The following FAM171B variants were observed in gnomAD, a reference collection of about 807,000 sequenced individuals.
The protein encoded by FAM171B is protein FAM171B.
FAM171B carries 19 observed loss-of-function variants against 75.6 expected under a neutral mutation model. The observed-to-expected ratio is 0.25, with a 90% confidence interval of 0.18 to 0.37. FAM171B has a LOEUF of 0.37. Among genes scored for constraint, FAM171B ranks in the 10% least tolerant of loss-of-function variants. The pLI is 1.00. For synonymous variants in FAM171B, 367 were observed against 361.7 expected, an observed-to-expected ratio of 1.01 and a Z score of -0.17; for missense variants, 848 against 982.4, an observed-to-expected ratio of 0.86 and a Z score of 1.83.
chr2:186,696,787 A>G lies in FAM171B; in HGVS notation c.238+2376A>G, dbSNP rs571104826. ...CAGACCTTTTCCTGACCAGGTGTTT[A>G]AAATAGTAATCTGCACATCCTTTTT... On this transcript the variant is annotated intron_variant, in intron 1 of 7. Coordinates refer to ENST00000304698, the MANE Select transcript of FAM171B (RefSeq NM_177454.4). Among the ~76,000 whole-genome samples the G allele has an allele frequency of 2.6e-5, 4 of 152,194 alleles. No individual in the cohort carries two copies. In the East Asian group the frequency reaches 7.7e-4, roughly 29 times the overall value.
At chr2:186,721,342 A>G (rs1011226270) in intron 1 of FAM171B, among the ~76,000 whole-genome samples, 2 of 152,210 alleles carry the variant, frequency 1.3e-5, no homozygotes, top group African/African-American at 2.4e-5. Context: ...AGAGTTAAGC[A>G]TTCTAGAGAA....
intron 2 of FAM171B, among the ~76,000 whole-genome samples, chr2:186,742,594 A>G (rs1345449380): frequency 6.6e-6 from 1 of 152,110 alleles, no homozygotes; most frequent in Admixed American, 6.6e-5. Context: ...AAGTATTTCC[A>G]TGCAACTGTG....
intron 1 of FAM171B, among the ~76,000 whole-genome samples, chr2:186,704,913 T>G (rs1211702916): frequency 6.6e-6 from 1 of 152,164 alleles, no homozygotes; most frequent in African/African-American, 2.4e-5. Context: ...TCCCAAGTAG[T>G]GAATCTTTTT....
intron 6 of FAM171B, 29 bp downstream of exon 6, chr2:186,754,078 C>A: frequency 2.7e-6 from 4 of 1,502,558 alleles, no homozygotes; most frequent in Non-Finnish European, 3.6e-6. Context: ...GTAATTAAAA[C>A]ATGTAATTCA....
At chr2:186,731,890 T>C (rs1690120456) in intron 1 of FAM171B, among the ~76,000 whole-genome samples, 1 of 152,178 alleles carries the variant, frequency 6.6e-6, no homozygotes, top group Admixed American at 6.5e-5. Context: ...ATGCTCCTTA[T>C]GAAAATCTAA....
chr2:186,747,328 T>G, intron 4 of FAM171B, 78 bp downstream of exon 4: 1 of 874,558 alleles, frequency 1.1e-6, no homozygotes, highest in Non-Finnish European at 1.6e-6. Flanking sequence ...TAGCTATCTA[T>G]AATAGCTTAT....
chr2:186,745,379 A>G (rs557784988), intron 3 of FAM171B, among the ~76,000 whole-genome samples: 1 of 152,282 alleles, frequency 6.6e-6, no homozygotes, highest in Non-Finnish European at 1.5e-5. Context: ...GATCTGTGTG[A>G]CCATGTCCCG....
Position 186,761,742 on chromosome 2 carries a change from T to C in FAM171B, c.1400T>C (p.Val467Ala). 2 of 1,613,478 alleles carry C rather than the reference T, an allele frequency of 1.2e-6. No homozygotes were observed. The highest frequency in any genetic ancestry group is 1.7e-6 in the Non-Finnish European group (2 of 1,179,718). The change falls in exon 8 of 8, where the codon GTT (valine) becomes GCT (alanine). Residue 467 changes from valine (V) to alanine (A), a missense_variant. Transcript: ENST00000304698. ...RDDFKIYNED[V>A]SFLSVNQNNY... is the part of the protein sequence containing the mutation. ...GATTTTAAAATCTACAATGAAGATG[T>C]TTCATTTCTATCAGTCAATCAAAAT...
chr2:186,715,362 C>A (rs1472564645), intron 1 of FAM171B, among the ~76,000 whole-genome samples: 9 of 152,108 alleles, frequency 5.9e-5, no homozygotes, highest in Admixed American at 3.3e-4. Flanking sequence ...GCCACCATGC[C>A]TGGCTAATTT....
At chr2:186,757,226 A>T (rs1690546030) in intron 6 of FAM171B, among the ~76,000 whole-genome samples, 1 of 152,156 alleles carries the variant, frequency 6.6e-6, no homozygotes, top group South Asian at 2.1e-4. Flanking sequence ...CCCAGAGTCA[A>T]GTTAGAACAA....
intron 1 of FAM171B, among the ~76,000 whole-genome samples, chr2:186,694,788 CACACA>C (rs1559078595): frequency 0.011 from 1,549 of 139,606 alleles, 19 homozygotes; most frequent in African/African-American, 0.037. Context: ...CACACACACA[CACACA>C]CCGTTCTTAA....
At chr2:186,741,925 C>T (rs1690294169) in intron 2 of FAM171B, among the ~76,000 whole-genome samples, 1 of 152,020 alleles carries the variant, frequency 6.6e-6, no homozygotes, top group Non-Finnish European at 1.5e-5. Context: ...CATTCCAAAT[C>T]TATTGGATTA....
At position 186,694,115 on chromosome 2, in the gene FAM171B, G is replaced by A; in HGVS notation, c.-59G>A. The stretch of plus-strand genomic sequence containing the variant: ...GGCGCTGCCAGGAGCCCGCAGCCCT[G>A]GCGCCCGCCGCCGCCCGGAGCCCCG... On this transcript the variant is annotated 5_prime_UTR_variant, in exon 1 of 8. Coordinates refer to ENST00000304698, the MANE Select transcript of FAM171B (RefSeq NM_177454.4). 2 of 1,421,456 alleles carry A rather than the reference G, an allele frequency of 1.4e-6. No homozygotes were observed. Among genetic ancestry groups the A allele is most frequent in the Non-Finnish European group, 1.8e-6 (2 of 1,096,828 alleles). 88.1% of individuals were successfully genotyped at this position (1,421,456 alleles called of 1,614,324 possible). A position where few individuals can be genotyped will look rare whatever the true frequency, so the allele number is the denominator to read the frequency against.
At chr2:186,694,920 C>A (rs1350649173) in intron 1 of FAM171B, among the ~76,000 whole-genome samples, 1 of 152,006 alleles carries the variant, frequency 6.6e-6, no homozygotes, top group African/African-American at 2.4e-5. Context: ...TTAAATTTAG[C>A]CATGAAGAGA....
chr2:186,743,382 C>G (rs761388781), intron 2 of FAM171B, 101 bp from the exon 3 acceptor site: 31 of 715,748 alleles, frequency 4.3e-5, no homozygotes, highest in South Asian at 7.7e-5. Context: ...TGTTCCCCCC[C>G]ACAACACACT....
At chr2:186,731,856 G>C (rs1277706091) in intron 1 of FAM171B, among the ~76,000 whole-genome samples, 1 of 152,078 alleles carries the variant, frequency 6.6e-6, no homozygotes, top group African/African-American at 2.4e-5. Context: ...ATTTTGAACT[G>C]AGCATGTGAG....
intron 3 of FAM171B, 60 bp from the exon 4 acceptor site, chr2:186,747,032 C>A: frequency 7.9e-7 from 1 of 1,260,552 alleles, no homozygotes; most frequent in East Asian, 2.5e-5. Flanking sequence ...ACATCCTGAC[C>A]AATGCTGCTA....
chr2:186,705,430 C>T (rs1032150664), intron 1 of FAM171B, among the ~76,000 whole-genome samples: 23 of 151,996 alleles, frequency 1.5e-4, no homozygotes, highest in African/African-American at 9.7e-5. Flanking sequence ...CTCATGGCAA[C>T]GCAGAGGTTC....
intron 1 of FAM171B, among the ~76,000 whole-genome samples, chr2:186,720,894 A>G (rs1689944904): frequency 6.6e-6 from 1 of 152,194 alleles, no homozygotes; most frequent in Non-Finnish European, 1.5e-5. Flanking sequence ...TCTGGTAGCC[A>G]TCAAAGGTCA....
Sources: allele counts gnomAD v4.1 joint callset (sites outside exome capture counted in the v4.1 genomes callset), GRCh38; gene constraint gnomAD v4.1.1; transcripts MANE v1.5; gene names NCBI Gene and HGNC (gene_info 2026-07-23, HGNC 2026-07-21).